MEGF11: variants seen among roughly 807,000 people sequenced by gnomAD.
MEGF11 encodes multiple EGF like domains 11.
Under a neutral mutation model 146.6 loss-of-function variants are expected in MEGF11, and 126 were observed. The observed-to-expected ratio is 0.86, with a 90% CI of 0.74 to 1.00. MEGF11 has a LOEUF of 1.00. Ranked by LOEUF, MEGF11 falls within the 50% of genes least tolerant of loss-of-function variation. The probability of loss-of-function intolerance (pLI) is 0.00; values close to 1 mark genes in which losing one functional copy is unlikely to be tolerated. For missense variants in MEGF11, 1,509 were observed against 1,521.2 expected (o/e 0.99, Z 0.13); for synonymous variants, 532 against 583.4 (o/e 0.91, Z 1.27).
At chr15:66,171,502 G>T (rs993125603) in intron 1 of MEGF11, among the ~76,000 whole-genome samples, 1 of 152,150 alleles carries the variant, frequency 6.6e-6, no homozygotes, top group Admixed American at 6.5e-5. Context: ...CTGGGGACAT[G>T]GGTGGGGGTC....
At chr15:66,222,323 T>C (rs1047531813) in intron 1 of MEGF11, among the ~76,000 whole-genome samples, 1 of 152,120 alleles carries the variant, frequency 6.6e-6, no homozygotes, top group Non-Finnish European at 1.5e-5. Context: ...CCAACTATAC[T>C]GTGGGCCTTC....
At chr15:66,216,238 A>C (rs1268090544) in intron 1 of MEGF11, among the ~76,000 whole-genome samples, 2 of 152,018 alleles carry the variant, frequency 1.3e-5, no homozygotes, top group Admixed American at 1.3e-4. Flanking sequence ...TCTTTGGGGG[A>C]AGGATTCCAG....
chr15:65,971,036 C>T (rs333557), intron 7 of MEGF11: 172,982 of 279,436 alleles, frequency 0.62, 54,210 homozygotes, highest in Admixed American at 0.66. Flanking sequence ...CATGGGTACA[C>T]AGTAAAGTGC....
Position 65,897,804 on chromosome 15 carries a change from G to T in MEGF11, c.*130C>A. 1.1e-6 allele frequency: 1 copy of T among 880,744 alleles called. No homozygotes were observed. Among genetic ancestry groups the T allele is most frequent in the African/African-American group, 1.7e-5 (1 of 58,600 alleles). 54.6% of individuals were successfully genotyped at this position (880,744 alleles called of 1,614,324 possible). ...AGTCCCACCTGGACGCTCTTCTTTA[G>T]TTCCAGGTGAACGTAATAACTAACA... On this transcript the variant is annotated 3_prime_UTR_variant, in exon 26 of 26. Transcript: ENST00000395614.
chr15:65,919,568 T>C (rs903472867), intron 15 of MEGF11, among the ~76,000 whole-genome samples: 4 of 152,094 alleles, frequency 2.6e-5, no homozygotes, highest in African/African-American at 4.8e-5. Flanking sequence ...AGACACGAAG[T>C]GTACACGTGG....
At chr15:66,140,462 T>C (rs4776281) in intron 1 of MEGF11, among the ~76,000 whole-genome samples, 111,749 of 152,104 alleles carry the variant, frequency 0.73, 42,050 homozygotes, top group South Asian at 0.92. Context: ...TGTTCCCTCC[T>C]CAGGCAGGCC....
intron 10 of MEGF11, among the ~76,000 whole-genome samples, chr15:65,944,999 A>G (rs2080138034): frequency 6.6e-6 from 1 of 151,666 alleles, no homozygotes; most frequent in African/African-American, 2.4e-5. Flanking sequence ...CCCGGGTTCA[A>G]GTGATTCCCC....
chr15:66,051,839 G>A (rs964072627), intron 5 of MEGF11, among the ~76,000 whole-genome samples: 1 of 152,242 alleles, frequency 6.6e-6, no homozygotes, highest in Non-Finnish European at 1.5e-5. Flanking sequence ...AGACTCCAGA[G>A]AAAGCGAGTG....
chr15:66,193,370 C>T (rs2090930042), intron 1 of MEGF11, among the ~76,000 whole-genome samples: 1 of 152,206 alleles, frequency 6.6e-6, no homozygotes, highest in Non-Finnish European at 1.5e-5. Context: ...ATCTGTTCAG[C>T]ACCTACTAAG....
chr15:66,179,057 G>A (rs1182159322), intron 1 of MEGF11, among the ~76,000 whole-genome samples: 2 of 144,916 alleles, frequency 1.4e-5, no homozygotes, highest in Non-Finnish European at 3.0e-5. Flanking sequence ...TCACTCTCCG[G>A]ATATCTCAAA....
At chr15:65,950,584 GACACACACACACACACACAC>G (rs57977250) in intron 10 of MEGF11, among the ~76,000 whole-genome samples, 50 of 148,742 alleles carry the variant, frequency 3.4e-4, no homozygotes, top group Admixed American at 1.0e-3. Flanking sequence ...TAGACACACA[GACACACACACACACACACAC>G]ACACACACAC....
intron 7 of MEGF11, among the ~76,000 whole-genome samples, chr15:65,978,558 C>T (rs767644980): frequency 2.0e-5 from 3 of 152,190 alleles, no homozygotes; most frequent in African/African-American, 2.4e-5. Context: ...TTCAACCACC[C>T]GAGCCTCAGC....
chr15:66,012,866 G>A (rs1379617050), intron 5 of MEGF11, among the ~76,000 whole-genome samples: 1 of 152,242 alleles, frequency 6.6e-6, no homozygotes, highest in African/African-American at 2.4e-5. Flanking sequence ...AGGAAGCAGG[G>A]CCAGTGATGA....
At chr15:65,964,354 G>T in intron 9 of MEGF11, among the ~76,000 whole-genome samples, 1 of 152,204 alleles carries the variant, frequency 6.6e-6, no homozygotes, top group Admixed American at 6.5e-5. Context: ...TGTTGTTCCT[G>T]CTCCTCTAGC....
chr15:65,933,196 C>T (rs1329220914), intron 10 of MEGF11, among the ~76,000 whole-genome samples: 1 of 152,340 alleles, frequency 6.6e-6, no homozygotes, highest in East Asian at 1.9e-4. Flanking sequence ...CCCCAGCAGG[C>T]CTGACCAGTT....
At chr15:65,983,254 C>T (rs950014244) in intron 5 of MEGF11, among the ~76,000 whole-genome samples, 5 of 152,256 alleles carry the variant, frequency 3.3e-5, no homozygotes, top group African/African-American at 1.2e-4. Flanking sequence ...AGGCAGCCTT[C>T]AAGATCTTTA....
intron 4 of MEGF11, among the ~76,000 whole-genome samples, chr15:66,114,673 C>T (rs1383411974): frequency 6.6e-6 from 1 of 151,976 alleles, no homozygotes; most frequent in East Asian, 1.9e-4. Flanking sequence ...CAGGCAGGCA[C>T]TTCTGCCCAG....
chr15:66,150,870 G>GAGAGAGAGAGAGAGAGA (rs1363240266), intron 1 of MEGF11, among the ~76,000 whole-genome samples: 1 of 117,650 alleles, frequency 8.5e-6, no homozygotes, highest in African/African-American at 3.3e-5. Flanking sequence ...GAGAGAGAGA[G>GAGAGAGAGAGAGAGAGA]GAAAGAATTT....
At chr15:65,962,949 T>C (rs1298285751) in intron 9 of MEGF11, among the ~76,000 whole-genome samples, 1 of 152,132 alleles carries the variant, frequency 6.6e-6, no homozygotes, top group African/African-American at 2.4e-5. Flanking sequence ...TGGGCTGAGA[T>C]TAGCGGGAGA....
Sources: gnomAD v4.1 joint callset for allele counts (sites outside exome capture counted in the v4.1 genomes callset) on GRCh38, gnomAD v4.1.1 for gene constraint, MANE v1.5 for transcripts, NCBI Gene and HGNC (gene_info 2026-07-23, HGNC 2026-07-21) for gene names.